The following SMARCA4 variants were observed in gnomAD, a reference collection of about 807,000 sequenced individuals.
The protein encoded by SMARCA4 is SWI/SNF-related matrix-associated actin-dependent regulator of chromatin subfamily A member 4.
A neutral mutation model predicts 193.9 loss-of-function variants in SMARCA4; 31 were observed. The ratio of observed to expected loss-of-function variants is 0.16; its 90% CI spans 0.12 to 0.22. SMARCA4 has a LOEUF of 0.22. Among genes scored for constraint, SMARCA4 ranks in the 10% least tolerant of loss-of-function variants. The pLI is 1.00. For synonymous variants in SMARCA4, 942 were observed against 933.1 expected (o/e 1.01, Z -0.17); for missense variants, 1,148 against 2,296.0 (o/e 0.50, Z 10.22).
At position 11,031,485 on chromosome 19, in the gene SMARCA4, C is replaced by A; in HGVS notation, c.3546+592C>A. The A allele has an allele frequency of 6.0e-6, 1 of 166,378 alleles. No individual in the cohort carries two copies. 10.3% of individuals were successfully genotyped at this position (166,378 alleles called of 1,614,324 possible). ...TAAACACCAGTGACAGTCAGGAGTC[C>A]CTTTTCCCTTCCTCTCCAACCGTGC... On this transcript the variant is annotated intron_variant, in intron 25 of 34. Coordinates refer to ENST00000344626, the MANE Select transcript of SMARCA4 (RefSeq NM_003072.5). This position sits in a 1 kb window ranked among gnomAD's most constrained non-coding sequence, Gnocchi z 4.3.
In SMARCA4 at chr19:11,041,179, C is replaced by A; in HGVS notation, c.4171-128C>A. ...AGTGTGTGTTATGCCCCGAGCCAGTCAAGCTGAAGGGAGAGCGGGTGCGGG... is the reference window on the plus strand; with the variant it reads ...AGTGTGTGTTATGCCCCGAGCCAGTAAAGCTGAAGGGAGAGCGGGTGCGGG... On this transcript the variant is annotated intron_variant, in intron 29 of 34. Coordinates refer to ENST00000344626, the MANE Select transcript of SMARCA4 (RefSeq NM_003072.5). The surrounding 1 kb of genome is among the most constrained non-coding windows in gnomAD (Gnocchi z 5.6). 1 of 1,000,126 alleles carries A rather than the reference C, an allele frequency of 1.0e-6. No homozygotes were observed. Among genetic ancestry groups the A allele is most frequent in the South Asian group, 1.5e-5 (1 of 65,186 alleles). 62.0% of individuals were successfully genotyped at this position (1,000,126 alleles called of 1,614,324 possible). A position where few individuals can be genotyped will look rare whatever the true frequency, so the allele number is the denominator to read the frequency against.
chr19:10,982,707 T>C (rs2085658436), intron 1 of SMARCA4, among the ~76,000 whole-genome samples: 1 of 151,976 alleles, frequency 6.6e-6, no homozygotes. Flanking sequence ...GGTTTCACCA[T>C]GTTACCCAGG....
rs1600253173 is a variant in SMARCA4 at position 11,019,077 on chromosome 19, T to C, written c.2505+54T>C. 1.4e-5 allele frequency: 19 copies of C among 1,370,172 alleles called. No individual in the cohort carries two copies. Among genetic ancestry groups the C allele is most frequent in the Admixed American group, 3.3e-5 (2 of 59,716 alleles). The allele number at this position is 1,370,172 out of a possible 1,614,324, so 84.9% of individuals were successfully genotyped here. A position where few individuals can be genotyped will look rare whatever the true frequency, so the allele number is the denominator to read the frequency against. Reference sequence around the variant, plus strand: ...CTTGCTACGGAGGTGCAGGCGGTGGTGGGCAGGACGTCCACACATACCTCT... The same window carrying C: ...CTTGCTACGGAGGTGCAGGCGGTGGCGGGCAGGACGTCCACACATACCTCT... On this transcript the variant is annotated intron_variant, in intron 17 of 34. Transcript: ENST00000344626. The surrounding 1 kb of genome is among the most constrained non-coding windows in gnomAD (Gnocchi z 6.1).
In SMARCA4 at chr19:11,019,833, C is replaced by A; in HGVS notation, c.2616+132C>A. ...CCTGCATGTGCGTGAAGACAGCTGC[C>A]CTGTGTAGGGGAAAGGCCTAGGTGG... On this transcript the variant is annotated intron_variant, in intron 18 of 34. Coordinates refer to ENST00000344626, the MANE Select transcript of SMARCA4 (RefSeq NM_003072.5). This position sits in a 1 kb window ranked among gnomAD's most constrained non-coding sequence, Gnocchi z 6.1. 1.4e-6 allele frequency: 1 copy of A among 722,742 alleles called. No individual in the cohort carries two copies. The highest frequency in any genetic ancestry group is 2.5e-6 in the Non-Finnish European group (1 of 404,408). 44.8% of individuals were successfully genotyped at this position (722,742 alleles called of 1,614,324 possible).
In SMARCA4 at chr19:11,035,150, C is replaced by G. The variant is rs768191285; in HGVS notation, c.4170+18C>G. 2 of 1,602,700 alleles carry G rather than the reference C, an allele frequency of 1.2e-6. No homozygotes were observed. Among genetic ancestry groups the G allele is most frequent in the Admixed American group, 1.7e-5 (1 of 58,928 alleles). On this transcript the variant is annotated intron_variant, in intron 29 of 34. Transcript: ENST00000344626. Reference sequence around the variant, plus strand: ...GGCTCAAGGTACATGCTGGAGAGGCCCAGCAGCTGCCGCAGGCCAGCGCCA... The same window carrying G: ...GGCTCAAGGTACATGCTGGAGAGGCGCAGCAGCTGCCGCAGGCCAGCGCCA...
chr19:11,022,714 T>C (rs1474809153), intron 19 of SMARCA4, among the ~76,000 whole-genome samples: 1 of 152,222 alleles, frequency 6.6e-6, no homozygotes, highest in Non-Finnish European at 1.5e-5. Flanking sequence ...GGGGCCTTCC[T>C]GGCCTCATGC....
intron 1 of SMARCA4, among the ~76,000 whole-genome samples, chr19:10,972,230 A>G (rs1368764688): frequency 6.6e-6 from 1 of 152,082 alleles, no homozygotes; most frequent in African/African-American, 2.4e-5. Context: ...AAGTGTTGGA[A>G]TTACAGGCAT....
chr19:10,982,878 G>T lies in SMARCA4; in HGVS notation c.-31-1243G>T, dbSNP rs896535137. Reference sequence around the variant, plus strand: ...CTTACAGAATTTATCCTTAGAACCAGAAATATGCCGGAGAGTTCAGGGGCA... The same window carrying T: ...CTTACAGAATTTATCCTTAGAACCATAAATATGCCGGAGAGTTCAGGGGCA... On this transcript the variant is annotated intron_variant, in intron 1 of 34. Coordinates refer to ENST00000344626, the MANE Select transcript of SMARCA4 (RefSeq NM_003072.5). 7.2e-5 allele frequency among the ~76,000 whole-genome samples: 11 copies of T among 152,150 alleles called. No individual in the cohort carries two copies. In the East Asian group the frequency reaches 1.9e-3, roughly 27 times the overall value.
chr19:11,023,404 A>G, intron 19 of SMARCA4, 114 bp from the exon 20 acceptor site: 1 of 732,970 alleles, frequency 1.4e-6, no homozygotes. Context: ...GCCAAGGGCA[A>G]GATCACCCCA....
rs770911867 is a variant in SMARCA4, at chr19:10,984,102, G to C, written c.-31-19G>C. The C allele has an allele frequency of 6.2e-6, 10 of 1,611,626 alleles. No individual in the cohort carries two copies. The African/African-American group carries it at 1.2e-4, about 19-fold the overall frequency. ...CGCCCTTGGTCATGAACCCCAGACT[G>C]ACCAGGACTGTCTTCCAGCAGGAGG... On this transcript the variant is annotated intron_variant, in intron 1 of 34. Transcript: ENST00000344626. This position sits in a 1 kb window ranked among gnomAD's most constrained non-coding sequence, Gnocchi z 4.3.
At chr19:11,037,279 G>A (rs1312347487) in intron 29 of SMARCA4, among the ~76,000 whole-genome samples, 2 of 152,194 alleles carry the variant, frequency 1.3e-5, no homozygotes, top group East Asian at 3.8e-4. Context: ...TCCACCAGCT[G>A]TGTATGAGAA....
At chr19:10,965,463 C>T (rs538966739) in intron 1 of SMARCA4, among the ~76,000 whole-genome samples, 1 of 152,332 alleles carries the variant, frequency 6.6e-6, no homozygotes, top group South Asian at 2.1e-4. Flanking sequence ...ACTTTTTCCT[C>T]TAGTCATAAG....
rs201752124 is a variant in SMARCA4, at chr19:11,012,932, C to G, written c.2275-17C>G. 6.5e-5 allele frequency: 105 copies of G among 1,613,976 alleles called. 1 individual carries two copies. In the East Asian group the frequency reaches 2.3e-3, roughly 35 times the overall value. Reference sequence around the variant, plus strand: ...ACCCGGCCTTCAGTCCTGGCGTGGCCGCATCTGTCCTTGCAGATCAAAGGT... The same window carrying G: ...ACCCGGCCTTCAGTCCTGGCGTGGCGGCATCTGTCCTTGCAGATCAAAGGT... On this transcript the variant is annotated splice_polypyrimidine_tract_variant and intron_variant, in intron 15 of 34. Coordinates refer to ENST00000344626, the MANE Select transcript of SMARCA4 (RefSeq NM_003072.5).
chr19:10,989,270 GC>G (rs1296095029), intron 6 of SMARCA4, 46 bp from the exon 7 acceptor site: 3 of 1,611,564 alleles, frequency 1.9e-6, no homozygotes, highest in Non-Finnish European at 2.5e-6. Flanking sequence ...GTAACTGGGT[GC>G]CCTGGCAACC....
chr19:10,994,610 G>C (rs1216957998), intron 8 of SMARCA4, among the ~76,000 whole-genome samples: 1 of 151,902 alleles, frequency 6.6e-6, no homozygotes, highest in African/African-American at 2.4e-5. Flanking sequence ...GAGCCACTGT[G>C]CCCAGCCCTA....
intron 19 of SMARCA4, among the ~76,000 whole-genome samples, chr19:11,023,054 C>T (rs1281914862): frequency 6.6e-6 from 1 of 152,202 alleles, no homozygotes; most frequent in Non-Finnish European, 1.5e-5. Flanking sequence ...CCTGGTTCCA[C>T]CCAGGCTGAA....
In SMARCA4 at chr19:11,031,085, A is replaced by G; in HGVS notation, c.3546+192A>G. 1.6e-6 allele frequency: 1 copy of G among 642,654 alleles called. No homozygotes were observed. 39.8% of individuals were successfully genotyped at this position (642,654 alleles called of 1,614,324 possible). ...AGGCGGGGTCCTCCTGTTTCCCAAA[A>G]TACAAACAGCCTTTCCCTCTGATTG... On this transcript the variant is annotated intron_variant, in intron 25 of 34. Coordinates refer to ENST00000344626, the MANE Select transcript of SMARCA4 (RefSeq NM_003072.5). The surrounding 1 kb of genome is among the most constrained non-coding windows in gnomAD (Gnocchi z 4.3).
intron 11 of SMARCA4, among the ~76,000 whole-genome samples, chr19:10,998,087 A>G (rs2087255388): frequency 1.3e-5 from 2 of 152,192 alleles, no homozygotes; most frequent in African/African-American, 4.8e-5. Context: ...ATGGGGTCTC[A>G]TGTTGCCCAG....
chr19:11,036,070 G>C (rs1262651744), intron 29 of SMARCA4, among the ~76,000 whole-genome samples: 1 of 152,226 alleles, frequency 6.6e-6, no homozygotes, highest in Non-Finnish European at 1.5e-5. Flanking sequence ...CAGCAGCCCA[G>C]ACTCATGAGC....
Sources: gnomAD v4.1 joint callset for allele counts (sites outside exome capture counted in the v4.1 genomes callset) on GRCh38, gnomAD v4.1.1 for gene constraint, Gnocchi (gnomAD v3.1) non-coding constraint, MANE v1.5 for transcripts, NCBI Gene and HGNC (gene_info 2026-07-23, HGNC 2026-07-21) for gene names.